The following MACROD2 variants were observed in gnomAD, a reference collection of about 807,000 sequenced individuals.
MACROD2 encodes mono-ADP ribosylhydrolase 2, also known as ADP-ribose glycohydrolase MACROD2.
Under a neutral mutation model 70.4 loss-of-function variants are expected in MACROD2, and 36 were observed. The ratio of observed to expected loss-of-function variants is 0.51; its 90% CI spans 0.39 to 0.68. The LOEUF is 0.68. Among genes scored for constraint, MACROD2 ranks in the 30% least tolerant of loss-of-function variants. MACROD2 has a pLI of 0.00. For missense variants in MACROD2, 496 were observed against 538.4 expected (o/e 0.92, Z 0.78); for synonymous variants, 172 against 178.8 (o/e 0.96, Z 0.30).
intron 8 of MACROD2, among the ~76,000 whole-genome samples, chr20:15,828,546 T>C (rs1173925275): frequency 6.6e-6 from 1 of 152,146 alleles, no homozygotes; most frequent in Non-Finnish European, 1.5e-5. Flanking sequence ...CATGAACAAA[T>C]GTCAGAATTA....
chr20:14,316,791 C>CCT (rs1025644236), intron 3 of MACROD2, among the ~76,000 whole-genome samples: 2 of 152,146 alleles, frequency 1.3e-5, no homozygotes, highest in African/African-American at 4.8e-5. Flanking sequence ...CATCTTTCCA[C>CCT]CTCTCTACTC....
At chr20:15,023,320 T>C (rs964776041) in intron 5 of MACROD2, among the ~76,000 whole-genome samples, 2 of 152,194 alleles carry the variant, frequency 1.3e-5, no homozygotes, top group African/African-American at 2.4e-5. Context: ...CTGAGAGGCT[T>C]ACTTGGGCCA....
At chr20:14,172,347 C>G (rs1371200296) in intron 3 of MACROD2, among the ~76,000 whole-genome samples, 1 of 147,584 alleles carries the variant, frequency 6.8e-6, no homozygotes, top group Non-Finnish European at 1.5e-5. Flanking sequence ...CTCTGTTGCC[C>G]AGGCTGGAAT....
chr20:15,629,006 T>C lies in MACROD2; in HGVS notation c.645+129159T>C, dbSNP rs117465458. ...AATATACTACATTTTAATTATTCATTCTACTACTAATGGACATTTGGGTCA... is the reference window on the plus strand; with the variant it reads ...AATATACTACATTTTAATTATTCATCCTACTACTAATGGACATTTGGGTCA... On this transcript the variant is annotated intron_variant, in intron 8 of 17. Transcript: ENST00000684519. Among the ~76,000 whole-genome samples the C allele has an allele frequency of 9.2e-3, 1,398 of 152,354 alleles. 25 individuals carry two copies. The highest frequency in any genetic ancestry group is 0.066 in the East Asian group (342 of 5,184).
intron 3 of MACROD2, among the ~76,000 whole-genome samples, chr20:14,245,161 G>A (rs754693437): frequency 2.0e-4 from 30 of 151,914 alleles, no homozygotes; most frequent in Non-Finnish European, 3.7e-4. Flanking sequence ...TCAGGAGATC[G>A]AGACCATCCT....
At chr20:14,994,849 G>T (rs537537575) in intron 5 of MACROD2, among the ~76,000 whole-genome samples, 2 of 152,114 alleles carry the variant, frequency 1.3e-5, no homozygotes, top group African/African-American at 4.8e-5. Context: ...CTTAGATTTG[G>T]TTGATCTGGC....
At chr20:15,185,613 A>G (rs976028045) in intron 5 of MACROD2, among the ~76,000 whole-genome samples, 3 of 152,156 alleles carry the variant, frequency 2.0e-5, no homozygotes, top group African/African-American at 7.2e-5. Flanking sequence ...TAAATTTACT[A>G]CATAATTAAT....
chr20:14,656,641 A>G (rs959739915), intron 4 of MACROD2, among the ~76,000 whole-genome samples: 1 of 152,232 alleles, frequency 6.6e-6, no homozygotes, highest in Non-Finnish European at 1.5e-5. Flanking sequence ...CTTTACTGGC[A>G]TTATGACTAA....
At chr20:15,034,569 T>C (rs1325607980) in intron 5 of MACROD2, among the ~76,000 whole-genome samples, 1 of 152,134 alleles carries the variant, frequency 6.6e-6, no homozygotes, top group African/African-American at 2.4e-5. Flanking sequence ...AGTGATTTAT[T>C]AGCAAGAGAG....
Position 15,876,091 on chromosome 20 carries a change from T to TTATATATATATATATATATATATATATA in MACROD2, c.728-9652_728-9651insATATATATATATATATATATATATATAT, listed in dbSNP as rs752542911. 3.6e-4 allele frequency among the ~76,000 whole-genome samples: 12 copies of TTATATATATATATATATATATATATATA among 33,092 alleles called. 2 individuals are homozygous for TTATATATATATATATATATATATATATA. Among genetic ancestry groups the TTATATATATATATATATATATATATATA allele is most frequent in the African/African-American group, 9.0e-4 (12 of 13,400 alleles). 21.7% of individuals were successfully genotyped at this position (33,092 alleles called of 152,430 possible). ...ACTTTTATTGTCAGCTACATGTCTT[T>TTATATATATATATATATATATATATATA]TATATATATATATATATATATGTGT... On this transcript the variant is annotated intron_variant, in intron 9 of 17. Coordinates refer to ENST00000684519, the MANE Select transcript of MACROD2 (RefSeq NM_001351661.2).
At chr20:15,300,098 C>T (rs949243454) in intron 6 of MACROD2, among the ~76,000 whole-genome samples, 2 of 152,044 alleles carry the variant, frequency 1.3e-5, no homozygotes, top group African/African-American at 2.4e-5. Context: ...GAACTTGATA[C>T]GTAGGTACAG....
At chr20:15,166,978 A>G (rs574282035) in intron 5 of MACROD2, among the ~76,000 whole-genome samples, 1 of 150,862 alleles carries the variant, frequency 6.6e-6, no homozygotes, top group East Asian at 1.9e-4. Flanking sequence ...AAATTTAAGT[A>G]TTTAATTTAA....
chr20:15,430,579 A>G (rs185979898), intron 6 of MACROD2, among the ~76,000 whole-genome samples: 199 of 152,114 alleles, frequency 1.3e-3, no homozygotes, highest in Admixed American at 2.9e-3. Flanking sequence ...TTAGAGTAAA[A>G]TGTACATTTA....
At chr20:14,774,870 CTTTA>C (rs1250789369) in intron 5 of MACROD2, among the ~76,000 whole-genome samples, 6 of 152,034 alleles carry the variant, frequency 3.9e-5, no homozygotes, top group Non-Finnish European at 7.4e-5. Context: ...AATTTTGCTG[CTTTA>C]TTTATTATTT....
intron 3 of MACROD2, among the ~76,000 whole-genome samples, chr20:14,322,123 T>A (rs1169151237): frequency 7.1e-6 from 1 of 140,248 alleles, no homozygotes; most frequent in Non-Finnish European, 1.5e-5. Flanking sequence ...AATGTATGTA[T>A]AATTATTGAG....
At chr20:15,326,890 G>T (rs953971997) in intron 6 of MACROD2, among the ~76,000 whole-genome samples, 2 of 152,082 alleles carry the variant, frequency 1.3e-5, no homozygotes, top group East Asian at 3.9e-4. Context: ...TCAGAAATGC[G>T]GTGAATTCCC....
At chr20:15,181,619 C>T (rs967810548) in intron 5 of MACROD2, among the ~76,000 whole-genome samples, 3 of 152,016 alleles carry the variant, frequency 2.0e-5, no homozygotes, top group Non-Finnish European at 2.9e-5. Flanking sequence ...AAGACCGGCC[C>T]GTTAGAACTA....
rs189924869 is a variant in MACROD2, at chr20:15,079,035, C to T, written c.419-150905C>T. On this transcript the variant is annotated intron_variant, in intron 5 of 17. Transcript: ENST00000684519. ...TCTCATCCAGTTCTGTTCATTTTTC[C>T]TGTACACCATGCACCATGGGTCCTA... 1.4e-3 allele frequency among the ~76,000 whole-genome samples: 206 copies of T among 152,230 alleles called. 1 individual carries two copies. Among genetic ancestry groups the T allele is most frequent in the African/African-American group, 4.5e-3 (187 of 41,546 alleles).
intron 5 of MACROD2, among the ~76,000 whole-genome samples, chr20:14,818,359 G>C (rs904456310): frequency 2.6e-5 from 4 of 152,054 alleles, no homozygotes; most frequent in African/African-American, 9.7e-5. Context: ...CTACCTTCTG[G>C]AGTGGCTTTG....
Sources: gnomAD v4.1 joint callset for allele counts (sites outside exome capture counted in the v4.1 genomes callset) on GRCh38, gnomAD v4.1.1 for gene constraint, MANE v1.5 for transcripts, NCBI Gene and HGNC (gene_info 2026-07-23, HGNC 2026-07-21) for gene names.